Variants in PCDHGA4 observed in about 807,000 individuals in gnomAD.
PCDHGA4 encodes the protein protocadherin gamma-A4.
A neutral mutation model predicts 54.6 loss-of-function variants in PCDHGA4; 38 were observed. That is an observed-to-expected ratio of 0.70 (90% CI 0.54 to 0.91). The LOEUF (loss-of-function observed/expected upper bound fraction) is 0.91. PCDHGA4 is among the 40% of genes least tolerant of loss of function. The pLI is 0.00. For missense variants in PCDHGA4, 1,298 were observed against 1,220.9 expected (o/e 1.06, Z -0.94); for synonymous variants, 511 against 512.9 (o/e 1.00, Z 0.05).
rs746642302 is a variant in PCDHGA4, at chr5:141,491,107, A to G, written c.2515-3700A>G. The stretch of plus-strand genomic sequence containing the variant: ...AGCCCCAGGACTGTTCCTCGTGTCT[A>G]CACACACTGGTGAGGTGCGCACAGC... On this transcript the variant is annotated intron_variant, in intron 1 of 3. Coordinates refer to ENST00000571252, the MANE Select transcript of PCDHGA4 (RefSeq NM_018917.4). The surrounding 1 kb of genome is among the most constrained non-coding windows in gnomAD (Gnocchi z 6.9). 2.5e-6 allele frequency: 4 copies of G among 1,614,148 alleles called. No homozygotes were observed. Among genetic ancestry groups the G allele is most frequent in the Non-Finnish European group, 2.5e-6 (3 of 1,180,014 alleles).
At chr5:141,364,958 C>A in intron 1 of PCDHGA4, 4 of 1,613,958 alleles carry the variant, frequency 2.5e-6, no homozygotes, top group Non-Finnish European at 1.7e-6. Flanking sequence ...TGTTCACGAC[C>A]TCCTCCTCAC....
intron 1 of PCDHGA4, chr5:141,394,696 C>A: frequency 6.2e-7 from 1 of 1,613,046 alleles, no homozygotes; most frequent in Non-Finnish European, 8.5e-7. Flanking sequence ...GAGGTGCGCA[C>A]GGCGCGAGCC....
chr5:141,380,233 G>A (rs1035611474), intron 1 of PCDHGA4, among the ~76,000 whole-genome samples: 49 of 152,114 alleles, frequency 3.2e-4, no homozygotes, highest in Non-Finnish European at 7.1e-4. Context: ...GGCTTCTGTT[G>A]AGGTGGCAAT....
rs978109236 is a variant in PCDHGA4, at chr5:141,418,889, A to G, written c.2514+61268A>G. 1.9e-6 allele frequency: 3 copies of G among 1,614,020 alleles called. No homozygotes were observed. The African/African-American group carries it at 4.0e-5, about 21-fold the overall frequency. On this transcript the variant is annotated intron_variant, in intron 1 of 3. Coordinates refer to ENST00000571252, the MANE Select transcript of PCDHGA4 (RefSeq NM_018917.4). Reference sequence around the variant, plus strand: ...AGAAGTTGTAGACGAAAACGACAACAGCCCAGAAATAATCATCACGTCACT... The same window carrying G: ...AGAAGTTGTAGACGAAAACGACAACGGCCCAGAAATAATCATCACGTCACT...
In PCDHGA4 at chr5:141,356,536, A is replaced by G; in HGVS notation, c.1429A>G (p.Asn477Asp). 6.2e-7 allele frequency: 1 copy of G among 1,614,110 alleles called. No homozygotes were observed. The highest frequency in any genetic ancestry group is 8.5e-7 in the Non-Finnish European group (1 of 1,179,988). Residue 477 changes from asparagine (N) to aspartate (D), a missense_variant, in exon 1 of 4, where the codon AAT becomes GAT. Asn to Asp is a conservative substitution (Grantham distance 23). Coordinates refer to ENST00000571252, the MANE Select transcript of PCDHGA4 (RefSeq NM_018917.4). The stretch of plus-strand genomic sequence containing the variant: ...TATTTCACTGCAAGTGATGGACATC[A>G]ATGACAACCCACCCACTTTCCCTCA... ...THISLQVMDI[N>D]DNPPTFPHAS...
intron 1 of PCDHGA4, chr5:141,390,448 A>C (rs1023664408): frequency 3.5e-6 from 3 of 845,190 alleles, no homozygotes; most frequent in Non-Finnish European, 5.4e-6. Context: ...ACAAAGGAGG[A>C]GTAAAGTAGG....
chr5:141,400,483 C>T (rs748464990), intron 1 of PCDHGA4: 1 of 1,614,020 alleles, frequency 6.2e-7, no homozygotes, highest in South Asian at 1.1e-5. Flanking sequence ...GGCCTTATTT[C>T]CACTTTGTAA....
intron 1 of PCDHGA4, among the ~76,000 whole-genome samples, chr5:141,439,251 A>G (rs1467023466): frequency 6.6e-6 from 1 of 152,112 alleles, no homozygotes; most frequent in Non-Finnish European, 1.5e-5. Context: ...ATTTCAGCTG[A>G]AGATTCAGCC....
At chr5:141,389,512 A>T in intron 1 of PCDHGA4, 1 of 1,613,138 alleles carries the variant, frequency 6.2e-7, no homozygotes, top group Non-Finnish European at 8.5e-7. Context: ...CTCAGCGCGA[A>T]CGTGAGCCTG....
At chr5:141,458,984 C>T (rs2098958355) in intron 1 of PCDHGA4, among the ~76,000 whole-genome samples, 1 of 152,204 alleles carries the variant, frequency 6.6e-6, no homozygotes, top group Non-Finnish European at 1.5e-5. Context: ...CCTCCTGCCT[C>T]ACCCTCCCAA....
chr5:141,388,592 T>C (rs1435796614), intron 1 of PCDHGA4: 1 of 1,613,880 alleles, frequency 6.2e-7, no homozygotes, highest in Non-Finnish European at 8.5e-7. Context: ...CTGATGCCAA[T>C]GATAATGCTC....
At chr5:141,365,338 A>G in intron 1 of PCDHGA4, 1 of 1,614,022 alleles carries the variant, frequency 6.2e-7, no homozygotes, top group Non-Finnish European at 8.5e-7. Context: ...TGGTGGTCAC[A>G]GTACAGGACG....
chr5:141,487,803 A>G lies in PCDHGA4; in HGVS notation c.2515-7004A>G. On this transcript the variant is annotated intron_variant, in intron 1 of 3. Transcript: ENST00000571252. The surrounding 1 kb of genome is among the most constrained non-coding windows in gnomAD (Gnocchi z 5.0). ...TTCGTGAATTAACCAGAGTTGTCAC[A>G]GTTTAGCATTGGGGGCGGGTCATGC... 2.0e-6 allele frequency: 3 copies of G among 1,466,166 alleles called. No individual in the cohort carries two copies. The highest frequency in any genetic ancestry group is 2.8e-6 in the Non-Finnish European group (3 of 1,084,448). The allele number at this position is 1,466,166 out of a possible 1,614,324, so 90.8% of individuals were successfully genotyped here. A position where few individuals can be genotyped will look rare whatever the true frequency, so the allele number is the denominator to read the frequency against.
At chr5:141,418,687 G>T (rs758554600) in intron 1 of PCDHGA4, 1 of 1,613,928 alleles carries the variant, frequency 6.2e-7, no homozygotes, top group African/African-American at 1.3e-5. Context: ...TCAACTCAGA[G>T]ATCACTTATT....
chr5:141,491,709 C>T lies in PCDHGA4; in HGVS notation c.2515-3098C>T, dbSNP rs2099725685. On this transcript the variant is annotated intron_variant, in intron 1 of 3. Coordinates refer to ENST00000571252, the MANE Select transcript of PCDHGA4 (RefSeq NM_018917.4). The surrounding 1 kb of genome is among the most constrained non-coding windows in gnomAD (Gnocchi z 6.9). The stretch of plus-strand genomic sequence containing the variant: ...TGCGGGAGCGGAGCCAGGTGAGGGG[C>T]TCGGCGCCGCCCCGGGCGACCCCTG... 6.2e-7 allele frequency: 1 copy of T among 1,610,156 alleles called. No homozygotes were observed. Among genetic ancestry groups the T allele is most frequent in the Non-Finnish European group, 8.5e-7 (1 of 1,178,376 alleles).
intron 1 of PCDHGA4, chr5:141,430,740 A>C (rs1485485180): frequency 5.3e-6 from 8 of 1,497,664 alleles, no homozygotes; most frequent in Non-Finnish European, 7.1e-6. Context: ...AATTGAAAAT[A>C]ATTCTGGAGG....
chr5:141,491,685 G>A lies in PCDHGA4; in HGVS notation c.2515-3122G>A. 1 of 1,613,164 alleles carries A rather than the reference G, an allele frequency of 6.2e-7. No individual in the cohort carries two copies. The highest frequency in any genetic ancestry group is 8.5e-7 in the Non-Finnish European group (1 of 1,179,646). On this transcript the variant is annotated intron_variant, in intron 1 of 3. Transcript: ENST00000571252. The surrounding 1 kb of genome is among the most constrained non-coding windows in gnomAD (Gnocchi z 6.9). ...CCATCCGGTCCCGCTCTAATACGCTGCGGGAGCGGAGCCAGGTGAGGGGCT... is the reference window on the plus strand; with the variant it reads ...CCATCCGGTCCCGCTCTAATACGCTACGGGAGCGGAGCCAGGTGAGGGGCT...
intron 1 of PCDHGA4, chr5:141,410,680 G>A: frequency 6.5e-7 from 1 of 1,535,692 alleles, no homozygotes; most frequent in Non-Finnish European, 8.7e-7. Flanking sequence ...TCATATTTTA[G>A]GCATACTACT....
chr5:141,494,441 C>T (rs1187169994), intron 1 of PCDHGA4, among the ~76,000 whole-genome samples: 2 of 152,154 alleles, frequency 1.3e-5, no homozygotes, highest in African/African-American at 4.8e-5. Context: ...TCCTTTGCCA[C>T]TTTAGGGGGC....
Sources: allele counts gnomAD v4.1 joint callset (sites outside exome capture counted in the v4.1 genomes callset), GRCh38; gene constraint gnomAD v4.1.1; non-coding constraint Gnocchi (gnomAD v3.1); transcripts MANE v1.5; gene names NCBI Gene and HGNC (gene_info 2026-07-23, HGNC 2026-07-21).